Variants in ACTN3 observed in about 807,000 individuals in gnomAD.
ACTN3 encodes the protein actinin alpha 3.
In ACTN3, 91 loss-of-function variants were observed where a neutral mutation model predicts 119.6. That is an observed-to-expected ratio of 0.76 (90% CI 0.64 to 0.91). The LOEUF (loss-of-function observed/expected upper bound fraction) is 0.91, where lower values mean the gene tolerates loss of function less well. Ranked by LOEUF, ACTN3 falls within the 40% of genes least tolerant of loss-of-function variation. The pLI is 0.00. For missense variants in ACTN3, 1,221 were observed against 1,215.1 expected, an observed-to-expected ratio of 1.00 and a Z score of -0.07; for synonymous variants, 456 against 478.8, an observed-to-expected ratio of 0.95 and a Z score of 0.62.
At chr11:66,563,006 T>C (rs376259578) in intron 20 of ACTN3, 29 bp from the exon 21 acceptor site, 4 of 1,607,270 alleles carry the variant, frequency 2.5e-6, no homozygotes, top group Non-Finnish European at 3.4e-6. Flanking sequence ...GCACGGGACC[T>C]GTGGGTCCTC....
Position 66,563,277 on chromosome 11 carries a change from T to C in ACTN3, c.*84T>C. The C allele has an allele frequency of 6.8e-7, 1 of 1,468,800 alleles. No homozygotes were observed. The highest frequency in any genetic ancestry group is 2.3e-5 in the East Asian group (1 of 42,640). 91.0% of individuals were successfully genotyped at this position (1,468,800 alleles called of 1,614,324 possible). The stretch of plus-strand genomic sequence containing the variant: ...CCATCCGTCCCTCGGAGCAAGGGCC[T>C]AAGAGAAAAGCCAGCCAAGTGCTTC... On this transcript the variant is annotated 3_prime_UTR_variant, in exon 21 of 21. Coordinates refer to ENST00000513398, the MANE Select transcript of ACTN3 (RefSeq NM_001104.4).
chr11:66,557,307 C>T, intron 9 of ACTN3, 82 bp downstream of exon 9: 1 of 1,333,372 alleles, frequency 7.5e-7, no homozygotes, highest in South Asian at 1.3e-5. Context: ...CGTGGGCCTG[C>T]AGAGCCTCCC....
At position 66,557,705 on chromosome 11, in the gene ACTN3, G is replaced by A. The variant is rs776965942; in HGVS notation, c.904G>A (p.Glu302Lys). 1.1e-5 allele frequency: 17 copies of A among 1,610,298 alleles called. No homozygotes were observed. The Middle Eastern group carries it at 1.2e-3, about 110-fold the overall frequency. The change falls in exon 10 of 21, where the codon GAG (glutamate) becomes AAG (lysine). Residue 302 changes from glutamate to lysine, a missense_variant. Glu to Lys is a moderately conservative substitution (Grantham distance 56). Around this residue, in one of 3 missense-constraint regions of ACTN3, gnomAD observed 934 missense variants for 899.9 expected, o/e 1.04. Transcript: ENST00000513398. ...EYEKLASELL[E>K]WIRRTVPWLE... ...CCCTGCCTGGCCCTGTCAGCTGCTG[G>A]AGTGGATCCGCCGCACTGTCCCATG...
chr11:66,563,194 C>A lies in ACTN3; in HGVS notation c.*1C>A, dbSNP rs1192404369. The A allele has an allele frequency of 1.3e-6, 2 of 1,596,644 alleles. No individual in the cohort carries two copies. Among genetic ancestry groups the A allele is most frequent in the Admixed American group, 1.7e-5 (1 of 58,116 alleles). ...CCTCTATGGGGAGAGCGACCTTTGA[C>A]CCCAACCACTGAGGTTCTCTATGCA... On this transcript the variant is annotated 3_prime_UTR_variant, in exon 21 of 21. Transcript: ENST00000513398.
chr11:66,554,636 G>A lies in ACTN3; in HGVS notation c.557+13G>A, dbSNP rs1271138198. The A allele has an allele frequency of 6.2e-7, 1 of 1,603,728 alleles. No individual in the cohort carries two copies. Among genetic ancestry groups the A allele is most frequent in the Non-Finnish European group, 8.5e-7 (1 of 1,174,600 alleles). On this transcript the variant is annotated intron_variant, in intron 5 of 20. Transcript: ENST00000513398. ...ACTTCCACACCAGGTCTGTCAGGTG[G>A]TTACCAAATGTGTCTGGGCCTCTGT...
intron 5 of ACTN3, 139 bp from the exon 6 acceptor site, chr11:66,554,991 C>A: frequency 1.3e-6 from 1 of 754,372 alleles, no homozygotes; most frequent in Non-Finnish European, 2.2e-6. Flanking sequence ...CATGAAGGGC[C>A]TCAAACGCCA....
chr11:66,558,862 T>C lies in ACTN3; in HGVS notation c.1277-374T>C, dbSNP rs571949196. 8 of 200,040 alleles carry C rather than the reference T, an allele frequency of 4.0e-5. No homozygotes were observed. In the Admixed American group the frequency reaches 4.2e-4, roughly 11 times the overall value. 12.4% of individuals were successfully genotyped at this position (200,040 alleles called of 1,614,324 possible). A position where few individuals can be genotyped will look rare whatever the true frequency, so the allele number is the denominator to read the frequency against. On this transcript the variant is annotated intron_variant, in intron 11 of 20. Coordinates refer to ENST00000513398, the MANE Select transcript of ACTN3 (RefSeq NM_001104.4). ...ACGCTAAAATATTGCACGAGTCAAA[T>C]ATATTACTCTGGATAGAAACATCCA...
At position 66,562,957 on chromosome 11, in the gene ACTN3, G is replaced by A. The variant is rs781367188; in HGVS notation, c.2547+3G>A. On this transcript the variant is annotated splice_donor_region_variant and intron_variant, in intron 20 of 20. Transcript: ENST00000513398. ...TCAAGATCTTGGCAGGAGACAAGGT[G>A]AGTCCCAGGCGGTGGAGGGGCTGGT... 7.4e-6 allele frequency: 12 copies of A among 1,612,758 alleles called. No individual in the cohort carries two copies. Among genetic ancestry groups the A allele is most frequent in the Non-Finnish European group, 1.0e-5 (12 of 1,179,170 alleles).
At chr11:66,558,334 T>G in intron 11 of ACTN3, 160 bp downstream of exon 11, 5 of 617,322 alleles carry the variant, frequency 8.1e-6, no homozygotes, top group Non-Finnish European at 8.1e-6. Context: ...CTTGCTGTGG[T>G]GCAACCTAGG....
At position 66,563,041 on chromosome 11, in the gene ACTN3, A is replaced by G. The variant is rs1285741744; in HGVS notation, c.2554A>G (p.Ile852Val). The G allele has an allele frequency of 6.2e-7, 1 of 1,611,248 alleles. No individual in the cohort carries two copies. Among genetic ancestry groups the G allele is most frequent in the Non-Finnish European group, 8.5e-7 (1 of 1,178,420 alleles). ...CAACGCCTCTTCTCCCCAGAACTAC[A>G]TCACCCCCGAGGAGCTGCGGCGCGA... ...FKILAGDKNY[I>V]TPEELRRELP... The change falls in exon 21 of 21, where the codon ATC (isoleucine) becomes GTC (valine). Residue 852 changes from isoleucine (I) to valine (V), a missense_variant. By Grantham distance (29) the Ile-to-Val change is conservative. This residue lies in a region of ACTN3 where 934 missense variants were observed against 899.9 expected (regional missense o/e 1.04). Coordinates refer to ENST00000513398, the MANE Select transcript of ACTN3 (RefSeq NM_001104.4).
At chr11:66,551,081 A>G in intron 1 of ACTN3, 158 bp from the exon 2 acceptor site, 1 of 710,768 alleles carries the variant, frequency 1.4e-6, no homozygotes, top group Non-Finnish European at 2.6e-6. Flanking sequence ...AGGGAAAGGG[A>G]CTGGCCCAGG....
Position 66,563,063 on chromosome 11 carries a change from G to A in ACTN3, c.2576G>A (p.Arg859His), listed in dbSNP as rs369814936. The change falls in exon 21 of 21, where the codon CGC (arginine) becomes CAC (histidine). Residue 859 changes from arginine (R) to histidine (H), a missense_variant. Transcript: ENST00000513398. ...TACATCACCCCCGAGGAGCTGCGGC[G>A]CGAGCTCCCTGCCAAGCAGGCCGAG... ...KNYITPEELR[R>H]ELPAKQAEYC... is the part of the protein sequence containing the mutation. The A allele has an allele frequency of 5.6e-6, 9 of 1,612,398 alleles. No individual in the cohort carries two copies. The highest frequency in any genetic ancestry group is 3.3e-5 in the Admixed American group (2 of 59,934).
Position 66,560,302 on chromosome 11 carries a change from G to A in ACTN3, c.1668G>A (p.Glu556=). The change falls in exon 14 of 21, where the codon GAG becomes GAA. Residue 556 remains glutamate, a synonymous_variant. Transcript: ENST00000513398. ...LQDVWLVHSV[E]ETQSLLTAHD... ...ACGTGTGGCTGGTACACTCTGTGGAGGAGACCCAGGTGGGTGCCAGGGTTG... is the reference window on the plus strand; with the variant it reads ...ACGTGTGGCTGGTACACTCTGTGGAAGAGACCCAGGTGGGTGCCAGGGTTG... 1.9e-6 allele frequency: 3 copies of A among 1,612,792 alleles called. No homozygotes were observed. Among genetic ancestry groups the A allele is most frequent in the South Asian group, 2.2e-5 (2 of 90,810 alleles).
rs375257311 is a variant in ACTN3 at position 66,561,519 on chromosome 11, G to T, written c.2057G>T (p.Arg686Leu). 6.2e-7 allele frequency: 1 copy of T among 1,607,340 alleles called. No individual in the cohort carries two copies. Among genetic ancestry groups the T allele is most frequent in the Admixed American group, 1.7e-5 (1 of 58,900 alleles). Residue 686 changes from arginine to leucine, a missense_variant, in exon 17 of 21, where the codon CGG becomes CTG. By Grantham distance (102) the Arg-to-Leu change is moderately radical. Around this residue, in one of 3 missense-constraint regions of ACTN3, gnomAD observed 934 missense variants for 899.9 expected, o/e 1.04. Transcript: ENST00000513398. Reference protein sequence around the residue: ...GSLEEQMAGLRQQEQNIINYK... With the variant: ...GSLEEQMAGLLQQEQNIINYK... ...CTGGAGGAGCAGATGGCTGGGCTAC[G>T]GCAGCAGGAGCAGAACATTATCAAC... is the stretch of plus-strand genomic sequence containing the variant.
intron 4 of ACTN3, 151 bp from the exon 5 acceptor site, chr11:66,554,385 G>C (rs1857544613): frequency 1.1e-5 from 7 of 660,142 alleles, no homozygotes; most frequent in Admixed American, 5.9e-5. Context: ...TTGAGCCTGG[G>C]AGGTTGAGGC....
upstream of ACTN3, chr11:66,546,770 G>A: frequency 1.3e-6 from 2 of 1,535,232 alleles, no homozygotes; most frequent in African/African-American, 2.7e-5. Flanking sequence ...CCCGGCTTCA[G>A]GACAACCCCT....
intron 12 of ACTN3, 94 bp from the exon 13 acceptor site, chr11:66,559,874 A>T (rs1272201390): frequency 3.2e-6 from 4 of 1,260,872 alleles, no homozygotes; most frequent in Non-Finnish European, 4.5e-6. Context: ...GCACGCCTTC[A>T]CCCCCATCCG....
At chr11:66,549,182 G>A (rs537145500) in intron 1 of ACTN3, among the ~76,000 whole-genome samples, 16 of 152,282 alleles carry the variant, frequency 1.1e-4, no homozygotes, top group Admixed American at 9.2e-4. Flanking sequence ...GACAAATGTA[G>A]CAAGTGTTTC....
At position 66,561,340 on chromosome 11, in the gene ACTN3, C is replaced by T. The variant is rs1565309516; in HGVS notation, c.1974C>T (p.Pro658=). Residue 658 remains proline, a synonymous_variant, in exon 16 of 21, where the codon CCC becomes CCT. Transcript: ENST00000513398. ...QFAAQANAIG[P]WIQAKVEEVG... is the part of the protein sequence containing the mutation. ...CGGCCCAGGCCAATGCCATTGGACC[C>T]TGGATCCAGGCGAAGGTGGAGGTAA... 1 of 1,611,584 alleles carries T rather than the reference C, an allele frequency of 6.2e-7. No individual in the cohort carries two copies. Among genetic ancestry groups the T allele is most frequent in the African/African-American group, 1.3e-5 (1 of 74,924 alleles).
Sources: allele counts gnomAD v4.1 joint callset (sites outside exome capture counted in the v4.1 genomes callset), GRCh38; gene constraint gnomAD v4.1.1; regional missense constraint gnomAD v4.1.1; transcripts MANE v1.5; gene names NCBI Gene and HGNC (gene_info 2026-07-23, HGNC 2026-07-21).